The following TLE1 variants were observed in gnomAD, a reference collection of about 807,000 sequenced individuals.
The protein encoded by TLE1 is TLE family member 1, transcriptional corepressor.
A neutral mutation model predicts 89.8 loss-of-function variants in TLE1; 21 were observed. The ratio of observed to expected loss-of-function variants is 0.23; its 90% CI spans 0.17 to 0.34. The LOEUF (loss-of-function observed/expected upper bound fraction) is 0.34. Among genes scored for constraint, TLE1 ranks in the 10% least tolerant of loss-of-function variants. TLE1 has a pLI of 1.00. For missense variants in TLE1, 795 were observed against 1,031.2 expected (o/e 0.77, Z 3.14); for synonymous variants, 447 against 407.6 (o/e 1.10, Z -1.16).
At chr9:81,640,406 A>G (rs1321200767) in intron 6 of TLE1, among the ~76,000 whole-genome samples, 1 of 152,180 alleles carries the variant, frequency 6.6e-6, no homozygotes, top group Non-Finnish European at 1.5e-5. Flanking sequence ...TAAAAAAAAA[A>G]AAAAATCCTT....
At chr9:81,675,857 C>A (rs1408810562) in intron 4 of TLE1, among the ~76,000 whole-genome samples, 1 of 151,980 alleles carries the variant, frequency 6.6e-6, no homozygotes, top group East Asian at 1.9e-4. Flanking sequence ...CCTGCCACCA[C>A]GCCCAGCTAA....
chr9:81,604,825 G>A (rs763615307), intron 14 of TLE1, among the ~76,000 whole-genome samples: 5 of 151,990 alleles, frequency 3.3e-5, no homozygotes, highest in African/African-American at 7.2e-5. Context: ...GTGCCTCCCC[G>A]GTTCCATGGG....
chr9:81,664,033 C>T (rs1831157738), intron 4 of TLE1, among the ~76,000 whole-genome samples: 1 of 152,086 alleles, frequency 6.6e-6, no homozygotes, highest in Admixed American at 6.6e-5. Flanking sequence ...AAGAATGATG[C>T]ATCAACCCTA....
intron 4 of TLE1, among the ~76,000 whole-genome samples, chr9:81,655,007 G>A (rs1829990783): frequency 6.6e-6 from 1 of 152,096 alleles, no homozygotes; most frequent in African/African-American, 2.4e-5. Context: ...TCACCGACAG[G>A]GCCCAGGGGT....
intron 4 of TLE1, among the ~76,000 whole-genome samples, chr9:81,678,095 A>G (rs942852692): frequency 1.3e-5 from 2 of 152,368 alleles, no homozygotes; most frequent in East Asian, 3.9e-4. Flanking sequence ...GAAAAACTAA[A>G]ATAAATAGCT....
intron 4 of TLE1, among the ~76,000 whole-genome samples, chr9:81,670,333 CT>C (rs952840359): frequency 5.6e-4 from 83 of 148,496 alleles, no homozygotes; most frequent in African/African-American, 1.5e-3. Flanking sequence ...AGTCCCTTCC[CT>C]TTTTTTTTTG....
intron 6 of TLE1, among the ~76,000 whole-genome samples, chr9:81,651,115 A>T (rs1013855974): frequency 3.9e-5 from 6 of 152,218 alleles, no homozygotes; most frequent in African/African-American, 1.4e-4. Flanking sequence ...CTTAATCCGT[A>T]CAGCAGCATG....
rs1823983583 is a variant in TLE1 at position 81,613,469 on chromosome 9, C to T, written c.971G>A (p.Ser324Asn). ...GCTGGTGCCCGGCGTTGGCATGTCG[C>T]TCCGAGGCGTTGGTGTGCTGGATTT... Reference protein sequence around the residue: ...VLKSSTPTPRSDMPTPGTSAT... With the variant: ...VLKSSTPTPRNDMPTPGTSAT... Residue 324 changes from serine (S) to asparagine (N), a missense_variant, in exon 12 of 20, where the codon AGC becomes AAC. Ser to Asn is a conservative substitution (Grantham distance 46). Coordinates refer to ENST00000376499, the MANE Select transcript of TLE1 (RefSeq NM_005077.5). 6.2e-7 allele frequency: 1 copy of T among 1,614,234 alleles called. No individual in the cohort carries two copies. Among genetic ancestry groups the T allele is most frequent in the Non-Finnish European group, 8.5e-7 (1 of 1,180,042 alleles).
At chr9:81,673,437 AC>A (rs943603558) in intron 4 of TLE1, among the ~76,000 whole-genome samples, 4 of 152,068 alleles carry the variant, frequency 2.6e-5, no homozygotes, top group African/African-American at 9.7e-5. Context: ...CAAAAACAAA[AC>A]GGAAGTATCA....
chr9:81,602,652 A>C (rs1385132331), intron 14 of TLE1, among the ~76,000 whole-genome samples: 1 of 152,176 alleles, frequency 6.6e-6, no homozygotes, highest in African/African-American at 2.4e-5. Flanking sequence ...TTTTCGAATT[A>C]AGATGCTCAA....
chr9:81,624,400 C>T (rs1489002144), intron 8 of TLE1, among the ~76,000 whole-genome samples: 1 of 152,206 alleles, frequency 6.6e-6, no homozygotes, highest in Non-Finnish European at 1.5e-5. Context: ...GGCTTCATGG[C>T]ATGCCAATCA....
chr9:81,598,188 C>G (rs1045794600), intron 14 of TLE1, among the ~76,000 whole-genome samples: 2 of 152,158 alleles, frequency 1.3e-5, no homozygotes, highest in Non-Finnish European at 2.9e-5. Context: ...TCATGAAGCC[C>G]TTTACAATTT....
At chr9:81,635,105 A>C (rs1827202924) in intron 6 of TLE1, among the ~76,000 whole-genome samples, 1 of 152,112 alleles carries the variant, frequency 6.6e-6, no homozygotes, top group African/African-American at 2.4e-5. Context: ...TACAGGAGCA[A>C]CTCTTAAGGC....
chr9:81,625,294 A>C lies in TLE1; in HGVS notation c.595-4737T>G, dbSNP rs141052580. On this transcript the variant is annotated intron_variant, in intron 8 of 19. Coordinates refer to ENST00000376499, the MANE Select transcript of TLE1 (RefSeq NM_005077.5). The stretch of plus-strand genomic sequence containing the variant: ...TTCCTAAGGGTTACATCTAACTTGC[A>C]CTAATAGGATGACAGAACAGAATGG... 5.3e-5 allele frequency among the ~76,000 whole-genome samples: 8 copies of C among 152,328 alleles called. No homozygotes were observed. In the East Asian group the frequency reaches 1.5e-3, roughly 29 times the overall value.
intron 8 of TLE1, among the ~76,000 whole-genome samples, chr9:81,630,135 A>AG (rs1826389178): frequency 6.6e-6 from 1 of 151,782 alleles, no homozygotes; most frequent in Admixed American, 6.6e-5. Context: ...ACAAACAAGA[A>AG]GAAAAAAAAA....
At chr9:81,612,673 G>T (rs1027597469) in intron 12 of TLE1, among the ~76,000 whole-genome samples, 1 of 152,196 alleles carries the variant, frequency 6.6e-6, no homozygotes, top group Non-Finnish European at 1.5e-5. Flanking sequence ...TATTAGCAAA[G>T]TCAGACGCAC....
intron 4 of TLE1, among the ~76,000 whole-genome samples, chr9:81,660,353 A>AC (rs1185881724): frequency 1.3e-5 from 2 of 152,026 alleles, no homozygotes; most frequent in Non-Finnish European, 2.9e-5. Flanking sequence ...AAAAAAAAAA[A>AC]ACAAAATCAT....
Position 81,616,247 on chromosome 9 carries a change from G to A in TLE1, c.766-113C>T, listed in dbSNP as rs570593998. 5.3e-4 allele frequency: 691 copies of A among 1,302,046 alleles called. 2 individuals carry two copies. Among genetic ancestry groups the A allele is most frequent in the Non-Finnish European group, 2.4e-4 (229 of 945,158 alleles). 80.7% of individuals were successfully genotyped at this position (1,302,046 alleles called of 1,614,324 possible). ...CAGAGCTGAAAGTCCTTCGGGTTGG[G>A]GTTGTACAAGGTGACCAACACCATG... On this transcript the variant is annotated intron_variant, in intron 10 of 19. Coordinates refer to ENST00000376499, the MANE Select transcript of TLE1 (RefSeq NM_005077.5).
At chr9:81,673,001 G>A (rs182185342) in intron 4 of TLE1, among the ~76,000 whole-genome samples, 9 of 151,498 alleles carry the variant, frequency 5.9e-5, no homozygotes, top group African/African-American at 1.5e-4. Context: ...GGCCGGACGC[G>A]GTGGCTCACG....
Sources: allele counts gnomAD v4.1 joint callset (sites outside exome capture counted in the v4.1 genomes callset), GRCh38; gene constraint gnomAD v4.1.1; transcripts MANE v1.5; gene names NCBI Gene and HGNC (gene_info 2026-07-23, HGNC 2026-07-21).